The following CD109 variants were observed in gnomAD, a reference collection of about 807,000 sequenced individuals.
The protein encoded by CD109 is CD109 antigen.
CD109 carries 149 observed loss-of-function variants against 165.8 expected under a neutral mutation model. That is an observed-to-expected ratio of 0.90 (90% CI 0.79 to 1.03). CD109 has a LOEUF of 1.03. Ranked by LOEUF, CD109 falls within the 50% of genes least tolerant of loss-of-function variation. The pLI is 0.00. For missense variants in CD109, 1,712 were observed against 1,677.8 expected (o/e 1.02, Z -0.36); for synonymous variants, 585 against 592.1 (o/e 0.99, Z 0.18).
chr6:73,785,529 G>A, intron 20 of CD109, 52 bp downstream of exon 20: 1 of 1,032,394 alleles, frequency 9.7e-7, no homozygotes, highest in Non-Finnish European at 1.5e-6. Context: ...GAAAATCGAG[G>A]TAGCATGAAG....
At chr6:73,715,380 T>C (rs1441487082) in intron 2 of CD109, among the ~76,000 whole-genome samples, 1 of 151,582 alleles carries the variant, frequency 6.6e-6, no homozygotes, top group Non-Finnish European at 1.5e-5. Context: ...CTGGGCAACA[T>C]AATGAGCCCC....
intron 4 of CD109, among the ~76,000 whole-genome samples, chr6:73,731,498 C>T (rs751026043): frequency 3.9e-5 from 6 of 152,124 alleles, no homozygotes; most frequent in African/African-American, 9.7e-5. Context: ...GCTGGAGCCC[C>T]GGGGCGAGGG....
rs754329286 is a variant in CD109, at chr6:73,823,733, G to GT, written c.*108dup. ...ATACTGCTTCTATTTTGAAAAAAGA[G>GT]TTTTTTTTCTTTCTATGGGGTTGCA... On this transcript the variant is annotated 3_prime_UTR_variant, in exon 33 of 33. Transcript: ENST00000287097. The GT allele has an allele frequency of 1.1e-4, 125 of 1,180,576 alleles. No individual in the cohort carries two copies. The highest frequency in any genetic ancestry group is 4.1e-4 in the Admixed American group (18 of 44,260). 73.1% of individuals were successfully genotyped at this position (1,180,576 alleles called of 1,614,324 possible). A position where few individuals can be genotyped will look rare whatever the true frequency, so the allele number is the denominator to read the frequency against.
intron 2 of CD109, among the ~76,000 whole-genome samples, chr6:73,705,651 A>AAGAAAAGAAT (rs571181284): frequency 1.6e-4 from 24 of 146,686 alleles, no homozygotes; most frequent in African/African-American, 5.4e-4. Flanking sequence ...AAGAAAAGAA[A>AAGAAAAGAAT]AGAATAGAAT....
Position 73,763,624 on chromosome 6 carries a change from A to G in CD109, c.1046A>G (p.Tyr349Cys), listed in dbSNP as rs139364801. 6.3e-7 allele frequency: 1 copy of G among 1,597,004 alleles called. No homozygotes were observed. Among genetic ancestry groups the G allele is most frequent in the Non-Finnish European group, 8.5e-7 (1 of 1,170,628 alleles). Reference protein sequence around the residue: ...STNVFFKQHDYIIEFFDYTTV... With the variant: ...STNVFFKQHDCIIEFFDYTTV... Reference sequence around the variant, plus strand: ...AATGTGTTCTTCAAGCAACATGATTACATCATTGAGTTTTTTGATTATACT... The same window carrying G: ...AATGTGTTCTTCAAGCAACATGATTGCATCATTGAGTTTTTTGATTATACT... The change falls in exon 10 of 33, where the codon TAC becomes TGC. Residue 349 changes from tyrosine to cysteine, a missense_variant. Transcript: ENST00000287097.
intron 5 of CD109, among the ~76,000 whole-genome samples, chr6:73,740,300 A>T (rs1440816825): frequency 6.6e-6 from 1 of 152,180 alleles, no homozygotes; most frequent in Non-Finnish European, 1.5e-5. Flanking sequence ...ATTTGTAATG[A>T]CTATACAGGT....
At chr6:73,740,338 C>T (rs1772723923) in intron 5 of CD109, among the ~76,000 whole-genome samples, 1 of 152,116 alleles carries the variant, frequency 6.6e-6, no homozygotes, top group Admixed American at 6.6e-5. Context: ...CTTCAGTTAC[C>T]CTTTGTCCTA....
chr6:73,784,705 T>G (rs2150255167), intron 19 of CD109, among the ~76,000 whole-genome samples: 1 of 152,338 alleles, frequency 6.6e-6, no homozygotes, highest in South Asian at 2.1e-4. Flanking sequence ...TCTGTAGGAC[T>G]TGGCCAACAA....
chr6:73,769,186 G>C (rs1264856377), intron 14 of CD109, among the ~76,000 whole-genome samples: 1 of 152,078 alleles, frequency 6.6e-6, no homozygotes, highest in African/African-American at 2.4e-5. Flanking sequence ...CACTGCGCCA[G>C]GCCTGTACTT....
chr6:73,820,353 CTAAG>C (rs746938380), intron 31 of CD109, 104 bp from the exon 32 acceptor site: 17 of 594,280 alleles, frequency 2.9e-5, no homozygotes, highest in Non-Finnish European at 5.1e-5. Context: ...GAAATCCTCC[CTAAG>C]TGTTAGTCTC....
chr6:73,787,088 T>C (rs1774725261), intron 20 of CD109, 146 bp from the exon 21 acceptor site: 1 of 599,562 alleles, frequency 1.7e-6, no homozygotes, highest in Non-Finnish European at 2.9e-6. Context: ...TGATACTCTT[T>C]GATACTCTCC....
the CD109 span, among the ~76,000 whole-genome samples, chr6:73,681,302 TC>T: frequency 6.6e-6 from 1 of 150,860 alleles, no homozygotes; most frequent in Admixed American, 6.7e-5. Context: ...AATTATAATA[TC>T]CATCACCTTA....
chr6:73,795,535 A>G (rs7751558), intron 23 of CD109, among the ~76,000 whole-genome samples: 82,220 of 151,926 alleles, frequency 0.54, 22,762 homozygotes, highest in African/African-American at 0.66. Flanking sequence ...GTAACCCAGA[A>G]AGGGTCTCTA....
Position 73,754,362 on chromosome 6 carries a change from G to C in CD109, c.634-2281G>C, listed in dbSNP as rs187891369. ...GATGCATAAAGGAAACAAGGAAGGG[G>C]TCAGAGAGATAATTAGGAATACCAA... On this transcript the variant is annotated intron_variant, in intron 5 of 32. Coordinates refer to ENST00000287097, the MANE Select transcript of CD109 (RefSeq NM_133493.5). Among the ~76,000 whole-genome samples, 514 of 152,252 alleles carry C rather than the reference G, an allele frequency of 3.4e-3. 1 individual carries two copies. Among genetic ancestry groups the C allele is most frequent in the Middle Eastern group, 0.01 (3 of 294 alleles).
rs754119612 is a variant in CD109 at position 73,765,976 on chromosome 6, G to C, written c.1154G>C (p.Arg385Thr). 3 of 1,613,912 alleles carry C rather than the reference G, an allele frequency of 1.9e-6. No individual in the cohort carries two copies. The East Asian group carries it at 6.7e-5, about 36-fold the overall frequency. The change falls in exon 11 of 33, where the codon AGA becomes ACA. Residue 385 changes from arginine to threonine, a missense_variant. Physicochemically the swap from Arg to Thr is moderately conservative, Grantham distance 71. Transcript: ENST00000287097. ...ADGNQLTLEERRNNVVITVTQ... is the reference protein window; with the variant it reads ...ADGNQLTLEETRNNVVITVTQ... ...GGCAACCAACTGACTCTTGAAGAAA[G>C]AAGAAATAATGTAGTCATAACAGTG...
At chr6:73,710,169 A>T in intron 2 of CD109, among the ~76,000 whole-genome samples, 1 of 152,214 alleles carries the variant, frequency 6.6e-6, no homozygotes, top group Non-Finnish European at 1.5e-5. Context: ...TTTGTAGATG[A>T]CATGATTGTA....
At chr6:73,711,288 T>A (rs1403633123) in intron 2 of CD109, among the ~76,000 whole-genome samples, 1 of 152,188 alleles carries the variant, frequency 6.6e-6, no homozygotes, top group East Asian at 1.9e-4. Flanking sequence ...TGCTTTTTTT[T>A]AGACAATGGA....
intron 3 of CD109, among the ~76,000 whole-genome samples, chr6:73,728,398 G>T (rs183810000): frequency 7.4e-4 from 112 of 152,262 alleles, no homozygotes; most frequent in Non-Finnish European, 1.4e-3. Context: ...CATACTGATT[G>T]TTTTTCCTAA....
In CD109 at chr6:73,730,583, C is replaced by T. The variant is rs200931181; in HGVS notation, c.507+9C>T. ...TAAACATTCTCATTAAGGTAAGTGCCAGACAGAAATGAAGCAAGGAATTCT... is the reference window on the plus strand; with the variant it reads ...TAAACATTCTCATTAAGGTAAGTGCTAGACAGAAATGAAGCAAGGAATTCT... On this transcript the variant is annotated intron_variant, in intron 4 of 32. Transcript: ENST00000287097. 18 of 1,564,500 alleles carry T rather than the reference C, an allele frequency of 1.2e-5. No homozygotes were observed. The African/African-American group carries it at 2.2e-4, about 19-fold the overall frequency.
Sources: allele counts gnomAD v4.1 joint callset (sites outside exome capture counted in the v4.1 genomes callset), GRCh38; gene constraint gnomAD v4.1.1; transcripts MANE v1.5; gene names NCBI Gene and HGNC (gene_info 2026-07-23, HGNC 2026-07-21).